Variants in COL11A1 observed in about 807,000 individuals in gnomAD.
The protein encoded by COL11A1 is collagen alpha-1(XI) chain.
Under a neutral mutation model 265.2 loss-of-function variants are expected in COL11A1, and 74 were observed. That is an observed-to-expected ratio of 0.28 (90% CI 0.23 to 0.34). The LOEUF (loss-of-function observed/expected upper bound fraction) is 0.34, where lower values mean the gene tolerates loss of function less well. Among genes scored for constraint, COL11A1 ranks in the 10% least tolerant of loss-of-function variants. COL11A1 has a pLI of 1.00. For missense variants in COL11A1, 2,165 were observed against 2,263.6 expected (o/e 0.96, Z 0.88); for synonymous variants, 816 against 727.6 (o/e 1.12, Z -1.96).
chr1:103,029,263 C>T (rs1295444758), intron 5 of COL11A1, among the ~76,000 whole-genome samples: 2 of 151,880 alleles, frequency 1.3e-5, no homozygotes, highest in Non-Finnish European at 2.9e-5. Context: ...TATTAGTGAA[C>T]AAGTAAGTAA....
At chr1:102,909,779 A>G (rs1654427453) in intron 54 of COL11A1, among the ~76,000 whole-genome samples, 1 of 152,032 alleles carries the variant, frequency 6.6e-6, no homozygotes, top group African/African-American at 2.4e-5. Flanking sequence ...TGAATTTTCT[A>G]CGATATTTTC....
rs1242595662 is a variant in COL11A1 at position 103,058,216 on chromosome 1, T to A, written c.651+16402A>T. Among the ~76,000 whole-genome samples the A allele has an allele frequency of 2.0e-5, 3 of 152,174 alleles. No individual in the cohort carries two copies. In the South Asian group the frequency reaches 6.2e-4, roughly 31 times the overall value. On this transcript the variant is annotated intron_variant, in intron 4 of 66. Coordinates refer to ENST00000370096, the MANE Select transcript of COL11A1 (RefSeq NM_001854.4). ...ATTTTCTTAAACATCATGAACTGGC[T>A]TCTGCTAGATTTGATCTTTTCTTCT...
At chr1:102,943,475 AC>A (rs1557853602) in intron 42 of COL11A1, among the ~76,000 whole-genome samples, 52 of 99,026 alleles carry the variant, frequency 5.3e-4, no homozygotes, top group Admixed American at 7.6e-4. Context: ...ACACACACAC[AC>A]ACACACACAA....
At chr1:102,964,639 CGTGTGCGCATGT>C (rs1661235038) in intron 38 of COL11A1, among the ~76,000 whole-genome samples, 1 of 145,868 alleles carries the variant, frequency 6.9e-6, no homozygotes, top group African/African-American at 2.5e-5. Context: ...TGTGTGTGTC[CGTGTGCGCATGT>C]GTGTGTGTAT....
At chr1:103,012,528 CAA>C in intron 13 of COL11A1, 59 bp from the exon 14 acceptor site, 1 of 1,270,220 alleles carries the variant, frequency 7.9e-7, no homozygotes, top group Non-Finnish European at 1.1e-6. Context: ...CATTAAAGTA[CAA>C]TATGAATCTG....
intron 4 of COL11A1, among the ~76,000 whole-genome samples, chr1:103,048,404 G>T (rs1178034107): frequency 1.3e-5 from 2 of 152,138 alleles, no homozygotes; most frequent in Non-Finnish European, 2.9e-5. Context: ...GGTGTTTATA[G>T]TATTTTCTGA....
chr1:103,096,652 A>G (rs1291859675), intron 1 of COL11A1, among the ~76,000 whole-genome samples: 1 of 152,050 alleles, frequency 6.6e-6, no homozygotes, highest in Non-Finnish European at 1.5e-5. Context: ...CAATTAATCA[A>G]TCAATGACAT....
intron 35 of COL11A1, among the ~76,000 whole-genome samples, chr1:102,975,430 G>T (rs1038905677): frequency 2.6e-5 from 4 of 151,954 alleles, no homozygotes; most frequent in Non-Finnish European, 5.9e-5. Context: ...TTTGGATGAT[G>T]TCAATATATT....
chr1:103,105,738 A>C (rs1674641645), intron 1 of COL11A1, among the ~76,000 whole-genome samples: 1 of 152,142 alleles, frequency 6.6e-6, no homozygotes, highest in African/African-American at 2.4e-5. Flanking sequence ...AGAAGTGGAC[A>C]CTGGGTTTAT....
intron 61 of COL11A1, 28 bp from the exon 62 acceptor site, chr1:102,888,658 A>G: frequency 6.2e-7 from 1 of 1,613,896 alleles, no homozygotes; most frequent in East Asian, 2.2e-5. Context: ...GAGGACATAA[A>G]TAAAGAAGAG....
intron 4 of COL11A1, among the ~76,000 whole-genome samples, chr1:103,056,630 A>T (rs1469220303): frequency 1.3e-5 from 2 of 152,148 alleles, no homozygotes; most frequent in Non-Finnish European, 2.9e-5. Flanking sequence ...CTTCTTAAAA[A>T]AAGCATGCCC....
At chr1:102,895,189 T>C (rs1285847231) in intron 57 of COL11A1, among the ~76,000 whole-genome samples, 1 of 152,208 alleles carries the variant, frequency 6.6e-6, no homozygotes, top group Non-Finnish European at 1.5e-5. Context: ...GAAATCATTT[T>C]AAGAGTTTAA....
At chr1:103,036,321 CGTATATAT>C (rs1395147821) in intron 4 of COL11A1, among the ~76,000 whole-genome samples, 1 of 20,450 alleles carries the variant, frequency 4.9e-5, no homozygotes, top group Non-Finnish European at 1.2e-4. Context: ...AAGTTGCTAT[CGTATATAT>C]ATATATATAT....
chr1:103,063,065 C>A (rs968178456), intron 4 of COL11A1, among the ~76,000 whole-genome samples: 1 of 151,946 alleles, frequency 6.6e-6, no homozygotes, highest in Non-Finnish European at 1.5e-5. Context: ...TGAAGGATAT[C>A]GAACAACTTT....
intron 37 of COL11A1, among the ~76,000 whole-genome samples, chr1:102,967,271 C>T (rs1661516035): frequency 1.2e-5 from 1 of 86,226 alleles, no homozygotes; most frequent in Non-Finnish European, 2.1e-5. Flanking sequence ...GACGGAGTCT[C>T]GCTCTGTCGC....
chr1:103,091,036 A>G (rs2102366977), intron 1 of COL11A1, among the ~76,000 whole-genome samples: 1 of 152,254 alleles, frequency 6.6e-6, no homozygotes, highest in East Asian at 1.9e-4. Flanking sequence ...CTATATTTTC[A>G]TGCTCAGCAC....
chr1:103,050,008 C>T (rs922995087), intron 4 of COL11A1, among the ~76,000 whole-genome samples: 2 of 152,152 alleles, frequency 1.3e-5, no homozygotes, highest in Admixed American at 6.5e-5. Flanking sequence ...GGTAACCCGA[C>T]CTTTCTCTCT....
At chr1:103,087,181 C>G (rs1329295356) in intron 1 of COL11A1, among the ~76,000 whole-genome samples, 1 of 152,202 alleles carries the variant, frequency 6.6e-6, no homozygotes, top group Non-Finnish European at 1.5e-5. Flanking sequence ...ATGTTGCCAA[C>G]TGCTGGCACA....
At position 102,913,520 on chromosome 1, in the gene COL11A1, CA is replaced by C. The variant is rs148757066; in HGVS notation, c.4032+116del. ...TCAAAAATTTTTTTGATAATTCTTT[CA>C]AAAAAGTGCATATACATAGAGCTAT... On this transcript the variant is annotated intron_variant, in intron 53 of 66. Transcript: ENST00000370096. 2,369 of 947,492 alleles carry C rather than the reference CA, an allele frequency of 2.5e-3. 43 individuals carry two copies. In the African/African-American group the frequency reaches 0.036, roughly 14 times the overall value. 58.7% of individuals were successfully genotyped at this position (947,492 alleles called of 1,614,324 possible).
Sources: allele counts gnomAD v4.1 joint callset (sites outside exome capture counted in the v4.1 genomes callset), GRCh38; gene constraint gnomAD v4.1.1; transcripts MANE v1.5; gene names NCBI Gene and HGNC (gene_info 2026-07-23, HGNC 2026-07-21).